The following TP73 variants were observed in gnomAD, a reference collection of about 807,000 sequenced individuals.
TP73 encodes tumor protein p73.
In TP73, 25 loss-of-function variants were observed where a neutral mutation model predicts 62.5. The ratio of observed to expected loss-of-function variants is 0.40; its 90% CI spans 0.29 to 0.56. The LOEUF is 0.56. Among genes scored for constraint, TP73 ranks in the 20% least tolerant of loss-of-function variants. The probability of loss-of-function intolerance (pLI) is 0.46; values close to 1 mark genes in which losing one functional copy is unlikely to be tolerated. For synonymous variants in TP73, 423 were observed against 377.5 expected (o/e 1.12, Z -1.40); for missense variants, 754 against 913.3 (o/e 0.83, Z 2.25).
chr1:3,666,087 G>A lies in TP73; in HGVS notation c.-34+13446G>A, dbSNP rs1189529293. Among the ~76,000 whole-genome samples, 1 of 127,982 alleles carries A rather than the reference G, an allele frequency of 7.8e-6. No homozygotes were observed. The highest frequency in any genetic ancestry group is 2.5e-4 in the East Asian group (1 of 4,052). 84.0% of individuals were successfully genotyped at this position (127,982 alleles called of 152,430 possible). A position where few individuals can be genotyped will look rare whatever the true frequency, so the allele number is the denominator to read the frequency against. ...TGTGGTGAGCTGAGATCGCACCATT[G>A]TACTCCAGCCTGGGCAACAAGAGCA... is the stretch of plus-strand genomic sequence containing the variant. On this transcript the variant is annotated intron_variant, in intron 1 of 13. Coordinates refer to ENST00000378295, the MANE Select transcript of TP73 (RefSeq NM_005427.4). This position sits in a 1 kb window ranked among gnomAD's most constrained non-coding sequence, Gnocchi z 6.4.
At chr1:3,706,195 C>T (rs1639612577) in intron 3 of TP73, among the ~76,000 whole-genome samples, 1 of 152,178 alleles carries the variant, frequency 6.6e-6, no homozygotes, top group Non-Finnish European at 1.5e-5. Flanking sequence ...TCAGCCTGCA[C>T]CTTGCTGACT....
chr1:3,717,149 G>A (rs987136202), intron 4 of TP73, among the ~76,000 whole-genome samples: 3 of 152,228 alleles, frequency 2.0e-5, no homozygotes, highest in Non-Finnish European at 4.4e-5. Context: ...TCACCTCTCC[G>A]CTGTCCTCCT....
intron 3 of TP73, among the ~76,000 whole-genome samples, chr1:3,690,080 A>C (rs1055989037): frequency 3.9e-5 from 6 of 152,164 alleles, no homozygotes; most frequent in Non-Finnish European, 5.9e-5. Flanking sequence ...CTTTGGCAAC[A>C]GTGGCTTGTC....
At chr1:3,676,477 G>A (rs537928565) in intron 1 of TP73, among the ~76,000 whole-genome samples, 1 of 150,800 alleles carries the variant, frequency 6.6e-6, no homozygotes, top group Non-Finnish European at 1.5e-5. Context: ...TGGGGACAGG[G>A]AGGGAATGCT....
chr1:3,669,532 G>A (rs1645193976), intron 1 of TP73, among the ~76,000 whole-genome samples: 1 of 152,242 alleles, frequency 6.6e-6, no homozygotes, highest in South Asian at 2.1e-4. Context: ...GCCCCAGCCT[G>A]GCACGTCCGG....
At chr1:3,711,867 T>TGTGTGTGTGTGTGCGC (rs1491505004) in intron 4 of TP73, among the ~76,000 whole-genome samples, 4 of 147,904 alleles carry the variant, frequency 2.7e-5, no homozygotes, top group African/African-American at 9.8e-5. Flanking sequence ...TGTGTGTGTG[T>TGTGTGTGTGTGTGCGC]GCGCGAGCAT....
intron 3 of TP73, among the ~76,000 whole-genome samples, 163 bp from the exon 4 acceptor site, chr1:3,707,386 A>G (rs1423660232): frequency 1.3e-5 from 2 of 152,112 alleles, no homozygotes; most frequent in African/African-American, 4.8e-5. Context: ...GTTTATCCCA[A>G]TGCAAGTAGT....
At chr1:3,656,293 A>C (rs534460845) in intron 1 of TP73, among the ~76,000 whole-genome samples, 1 of 152,330 alleles carries the variant, frequency 6.6e-6, no homozygotes, top group African/African-American at 2.4e-5. Context: ...GCCCCCTGGC[A>C]GTCCACTCTG....
At chr1:3,698,100 A>G in intron 3 of TP73, 1 of 985,576 alleles carries the variant, frequency 1.0e-6, no homozygotes, top group Non-Finnish European at 1.2e-6. Context: ...CAGTGTCTCC[A>G]GCACAGCAGG....
chr1:3,701,586 C>T lies in TP73; in HGVS notation c.187-5963C>T, dbSNP rs960031048. On this transcript the variant is annotated intron_variant, in intron 3 of 13. Transcript: ENST00000378295. The surrounding 1 kb of genome is among the most constrained non-coding windows in gnomAD (Gnocchi z 4.7). ...GTGGCGTGATCTCAGCTCACTGCAA[C>T]CTCTGCCTCCCGGGTTCAAGCAATT... is the stretch of plus-strand genomic sequence containing the variant. Among the ~76,000 whole-genome samples the T allele has an allele frequency of 2.6e-5, 4 of 152,182 alleles. No individual in the cohort carries two copies. Among genetic ancestry groups the T allele is most frequent in the African/African-American group, 4.8e-5 (2 of 41,440 alleles).
At position 3,727,189 on chromosome 1, in the gene TP73, G is replaced by A. The variant is rs371548537; in HGVS notation, c.807G>A (p.Arg269=). Residue 269 remains arginine (R), a synonymous_variant, in exon 7 of 14, where the codon CGG becomes CGA. Transcript: ENST00000378295. The stretch of plus-strand genomic sequence containing the variant: ...GCTGTGTAGGGGGCATGAACCGGCG[G>A]CCCATCCTCATCATCATCACCCTGG... ...NSSCVGGMNR[R]PILIIITLEM... 30 of 1,612,098 alleles carry A rather than the reference G, an allele frequency of 1.9e-5. No individual in the cohort carries two copies. The highest frequency in any genetic ancestry group is 2.2e-5 in the Non-Finnish European group (26 of 1,179,602).
chr1:3,731,501 A>G lies in TP73; in HGVS notation c.1523A>G (p.Tyr508Cys), dbSNP rs369898417. ...TTGGGGTGTCCAAACTGCATCGAGT[A>G]TTTCACCTCCCAAGGGTTACAGAGC... ...TGLGCPNCIE[Y>C]FTSQGLQSIY... The change falls in exon 13 of 14, where the codon TAT becomes TGT. Residue 508 changes from tyrosine (Y) to cysteine (C), a missense_variant. By Grantham distance (194) the Tyr-to-Cys change is radical (BLOSUM62 -2). Around this residue, in one of 3 missense-constraint regions of TP73, gnomAD observed 458 missense variants for 528.7 expected, o/e 0.87. Transcript: ENST00000378295. The G allele has an allele frequency of 6.2e-6, 10 of 1,613,794 alleles. No individual in the cohort carries two copies. The highest frequency in any genetic ancestry group is 3.3e-4 in the Middle Eastern group (2 of 6,062).
intron 4 of TP73, among the ~76,000 whole-genome samples, chr1:3,712,660 A>G (rs1275792551): frequency 6.6e-6 from 1 of 152,108 alleles, no homozygotes; most frequent in Admixed American, 6.5e-5. Context: ...ATTTTCTAGG[A>G]CTTCTTTCCA....
chr1:3,732,473 G>T lies in TP73; in HGVS notation c.1579-274G>T, dbSNP rs112711404. 8.8e-3 allele frequency among the ~76,000 whole-genome samples: 1,343 copies of T among 152,308 alleles called. 16 individuals carry two copies. Among genetic ancestry groups the T allele is most frequent in the African/African-American group, 0.028 (1,173 of 41,564 alleles). On this transcript the variant is annotated intron_variant, in intron 13 of 13. Transcript: ENST00000378295. ...CAGGGGGCAGGGACATGGAGACCAA[G>T]GAGGGCCCTGCCCTGAGGCTGGGAG...
intron 13 of TP73, among the ~76,000 whole-genome samples, chr1:3,732,046 T>G (rs920072820): frequency 3.2e-4 from 49 of 152,308 alleles, no homozygotes; most frequent in Non-Finnish European, 1.2e-4. Flanking sequence ...GGCTTGTCTT[T>G]GGGTTAGAGA....
intron 6 of TP73, among the ~76,000 whole-genome samples, chr1:3,726,221 GTGGATGGA>G (rs1264364724): frequency 1.6e-5 from 2 of 124,458 alleles, no homozygotes; most frequent in Admixed American, 1.6e-4. Context: ...GGGTGGGTGG[GTGGATGGA>G]TGGATGGATA....
At position 3,733,624 on chromosome 1, in the gene TP73, C is replaced by G. The variant is rs551806347; in HGVS notation, c.*545C>G. ...TTGCCCGCGCCGGGGGCTGGGGACT[C>G]TCTCTGCTGGACTTGGGACTGGCCT... On this transcript the variant is annotated 3_prime_UTR_variant, in exon 14 of 14. Coordinates refer to ENST00000378295, the MANE Select transcript of TP73 (RefSeq NM_005427.4). 1 of 158,868 alleles carries G rather than the reference C, an allele frequency of 6.3e-6. No individual in the cohort carries two copies. The highest frequency in any genetic ancestry group is 2.0e-4 in the South Asian group (1 of 5,126). The allele number at this position is 158,868 out of a possible 1,614,324, so 9.8% of individuals were successfully genotyped here. A position where few individuals can be genotyped will look rare whatever the true frequency, so the allele number is the denominator to read the frequency against.
chr1:3,708,164 C>A (rs1639832730), intron 4 of TP73: 2 of 298,720 alleles, frequency 6.7e-6, no homozygotes, highest in Admixed American at 4.5e-5. Context: ...AGTTGTCTGT[C>A]CGAGACAGGC....
In TP73 at chr1:3,658,635, G is replaced by T. The variant is rs747261208; in HGVS notation, c.-34+5994G>T. On this transcript the variant is annotated intron_variant, in intron 1 of 13. Transcript: ENST00000378295. The stretch of plus-strand genomic sequence containing the variant: ...ATTACTAATGAAAATGTCCTTTATA[G>T]ATGTCAATTTTCTTTAGAAAAGAGA... Among the ~76,000 whole-genome samples, 53 of 152,348 alleles carry T rather than the reference G, an allele frequency of 3.5e-4. 1 individual carries two copies. The highest frequency in any genetic ancestry group is 5.9e-4 in the Admixed American group (9 of 15,308).
Sources: gnomAD v4.1 joint callset for allele counts (sites outside exome capture counted in the v4.1 genomes callset) on GRCh38, gnomAD v4.1.1 for gene constraint, gnomAD v4.1.1 regional missense constraint, Gnocchi (gnomAD v3.1) non-coding constraint, MANE v1.5 for transcripts, NCBI Gene and HGNC (gene_info 2026-07-23, HGNC 2026-07-21) for gene names.